MEGF11: variants seen among roughly 807,000 people sequenced by gnomAD.
MEGF11 encodes multiple epidermal growth factor-like domains protein 11.
A neutral mutation model predicts 146.6 loss-of-function variants in MEGF11; 126 were observed. The observed-to-expected ratio is 0.86, with a 90% CI of 0.74 to 1.00. MEGF11 has a LOEUF of 1.00. MEGF11 is among the 50% of genes least tolerant of loss of function. The probability of loss-of-function intolerance (pLI) is 0.00; values close to 1 mark genes in which losing one functional copy is unlikely to be tolerated. For missense variants in MEGF11, 1,509 were observed against 1,521.2 expected (o/e 0.99, Z 0.13); for synonymous variants, 532 against 583.4 (o/e 0.91, Z 1.27).
intron 1 of MEGF11, among the ~76,000 whole-genome samples, chr15:66,215,078 G>T (rs904707652): frequency 6.6e-6 from 1 of 152,064 alleles, no homozygotes; most frequent in Non-Finnish European, 1.5e-5. Context: ...GAGCTCTAAC[G>T]CCTCCTCCCA....
At chr15:65,958,240 C>G (rs2080727588) in intron 9 of MEGF11, among the ~76,000 whole-genome samples, 1 of 152,246 alleles carries the variant, frequency 6.6e-6, no homozygotes, top group South Asian at 2.1e-4. Flanking sequence ...GGCCTCCTCT[C>G]TCTGGCAATG....
intron 4 of MEGF11, among the ~76,000 whole-genome samples, chr15:66,113,897 A>G (rs923752337): frequency 1.3e-5 from 2 of 151,934 alleles, no homozygotes; most frequent in Non-Finnish European, 2.9e-5. Context: ...AAAAAAGAAA[A>G]AGAAACCGTT....
chr15:66,157,688 G>A (rs2089812758), intron 1 of MEGF11, among the ~76,000 whole-genome samples: 1 of 152,208 alleles, frequency 6.6e-6, no homozygotes, highest in Non-Finnish European at 1.5e-5. Flanking sequence ...GACAGAGGAA[G>A]ATAAATATAT....
At chr15:65,945,467 G>A (rs2080155483) in intron 10 of MEGF11, among the ~76,000 whole-genome samples, 1 of 152,190 alleles carries the variant, frequency 6.6e-6, no homozygotes, top group Non-Finnish European at 1.5e-5. Flanking sequence ...GGGGAGCAGT[G>A]AGGGCCTGAG....
chr15:66,227,539 C>T (rs377087308), intron 1 of MEGF11, among the ~76,000 whole-genome samples: 3 of 152,248 alleles, frequency 2.0e-5, no homozygotes, highest in Admixed American at 6.5e-5. Flanking sequence ...TTCCTTCTAA[C>T]GCCAGGAATT....
At chr15:66,023,898 A>G (rs1441281494) in intron 5 of MEGF11, among the ~76,000 whole-genome samples, 2 of 152,088 alleles carry the variant, frequency 1.3e-5, no homozygotes, top group African/African-American at 4.8e-5. Flanking sequence ...GGGGATGGTG[A>G]GGGTCGGTCT....
intron 4 of MEGF11, among the ~76,000 whole-genome samples, chr15:66,095,593 C>T (rs145364704): frequency 1.2e-4 from 19 of 152,340 alleles, no homozygotes; most frequent in South Asian, 6.2e-4. Flanking sequence ...AACAACAAGG[C>T]TCATTTTATG....
intron 10 of MEGF11, among the ~76,000 whole-genome samples, chr15:65,942,983 T>C (rs2080059370): frequency 9.2e-6 from 1 of 109,126 alleles, no homozygotes; most frequent in Non-Finnish European, 2.1e-5. Context: ...GCTTTTTTTT[T>C]TTTTTTTTTT....
At chr15:66,020,870 T>C (rs1270999575) in intron 5 of MEGF11, among the ~76,000 whole-genome samples, 1 of 151,946 alleles carries the variant, frequency 6.6e-6, no homozygotes, top group Non-Finnish European at 1.5e-5. Flanking sequence ...TAGGCGCCTG[T>C]AGTCCCAGCT....
chr15:66,207,571 T>A (rs1416014278), intron 1 of MEGF11, among the ~76,000 whole-genome samples: 1 of 152,256 alleles, frequency 6.6e-6, no homozygotes, highest in South Asian at 2.1e-4. Flanking sequence ...CAGGCTGAAA[T>A]AAAAGAACAC....
chr15:66,246,487 G>A (rs1030892238), intron 1 of MEGF11, among the ~76,000 whole-genome samples: 8 of 151,964 alleles, frequency 5.3e-5, no homozygotes, highest in Admixed American at 5.2e-4. Flanking sequence ...TGGCGGCCAG[G>A]CATCCAAATA....
intron 1 of MEGF11, among the ~76,000 whole-genome samples, chr15:66,187,698 A>AGG (rs5813380): frequency 8.8e-5 from 1 of 11,426 alleles, no homozygotes; most frequent in African/African-American, 1.8e-3. Context: ...AAATGCCAAA[A>AGG]TTGGCCAGGG....
intron 6 of MEGF11, among the ~76,000 whole-genome samples, chr15:65,981,474 C>T (rs1318384950): frequency 1.3e-5 from 2 of 152,086 alleles, no homozygotes; most frequent in African/African-American, 4.8e-5. Flanking sequence ...TCCAATGGCC[C>T]TGGCCTCTAG....
intron 5 of MEGF11, among the ~76,000 whole-genome samples, chr15:65,998,514 G>A (rs901893739): frequency 3.3e-5 from 5 of 152,196 alleles, no homozygotes; most frequent in South Asian, 2.1e-4. Context: ...TAGGAGCAGC[G>A]GAGGCCTCAC....
intron 9 of MEGF11, among the ~76,000 whole-genome samples, chr15:65,958,275 A>C (rs980707433): frequency 6.6e-6 from 1 of 152,086 alleles, no homozygotes. Flanking sequence ...AGCAACCCCA[A>C]CCTACGCTTT....
Position 65,898,922 on chromosome 15 carries a change from T to A in MEGF11, c.3068A>T (p.Glu1023Val). 6.2e-7 allele frequency: 1 copy of A among 1,613,892 alleles called. No individual in the cohort carries two copies. The highest frequency in any genetic ancestry group is 8.5e-7 in the Non-Finnish European group (1 of 1,179,810). ...ACAAGTACTAGAACTGCACACGGAT[T>A]CTTTCATGTAATCTGCAAGGCAAGA... is the stretch of plus-strand genomic sequence containing the variant. Reference protein sequence around the residue: ...MDKGFKDYMKESVCSSSTCSL... With the variant: ...MDKGFKDYMKVSVCSSSTCSL... The change falls in exon 25 of 26, where the codon GAA becomes GTA. Residue 1023 changes from glutamate to valine, a missense_variant. Coordinates refer to ENST00000395614, the MANE Select transcript of MEGF11 (RefSeq NM_001385028.1).
Position 65,977,117 on chromosome 15 carries a change from C to T in MEGF11, c.762+3661G>A, listed in dbSNP as rs920169230. 8.3e-5 allele frequency among the ~76,000 whole-genome samples: 12 copies of T among 143,864 alleles called. No individual in the cohort carries two copies. The East Asian group carries it at 2.2e-3, about 26-fold the overall frequency. 94.4% of individuals were successfully genotyped at this position (143,864 alleles called of 152,430 possible). Reference sequence around the variant, plus strand: ...CTGGGAGGCGGAGCTTGCAGTGAGCCGAGATCGTGCCACTGCACTCCAGCC... The same window carrying T: ...CTGGGAGGCGGAGCTTGCAGTGAGCTGAGATCGTGCCACTGCACTCCAGCC... On this transcript the variant is annotated intron_variant, in intron 7 of 25. Transcript: ENST00000395614.
rs532523367 is a variant in MEGF11, at chr15:65,985,809, C to T, written c.395-3321G>A. Among the ~76,000 whole-genome samples the T allele has an allele frequency of 3.9e-5, 6 of 152,054 alleles. No homozygotes were observed. The South Asian group carries it at 1.0e-3, about 26-fold the overall frequency. On this transcript the variant is annotated intron_variant, in intron 5 of 25. Transcript: ENST00000395614. ...CTGGAGCAGCATTCATGGTACCCTA[C>T]GAAAGTGCTCTAATAAGGGCAGCTC...
At position 65,928,530 on chromosome 15, in the gene MEGF11, G is replaced by A. The variant is rs16949112; in HGVS notation, c.1573-3C>T. On this transcript the variant is annotated splice_region_variant and splice_polypyrimidine_tract_variant and intron_variant, in intron 12 of 25. Coordinates refer to ENST00000395614, the MANE Select transcript of MEGF11 (RefSeq NM_001385028.1). Reference sequence around the variant, plus strand: ...CAGTTCAGCCCAAATGTGCCATCCTGTGGAGAAGACAGGGAGAGAAAAATG... The same window carrying A: ...CAGTTCAGCCCAAATGTGCCATCCTATGGAGAAGACAGGGAGAGAAAAATG... 4,614 of 1,588,800 alleles carry A rather than the reference G, an allele frequency of 2.9e-3. 123 individuals are homozygous for A. The African/African-American group carries it at 0.052, about 18-fold the overall frequency.
Sources: gnomAD v4.1 joint callset for allele counts (sites outside exome capture counted in the v4.1 genomes callset) on GRCh38, gnomAD v4.1.1 for gene constraint, MANE v1.5 for transcripts, NCBI Gene and HGNC (gene_info 2026-07-23, HGNC 2026-07-21) for gene names.